The following MYO5B variants were observed in gnomAD, a reference collection of about 807,000 sequenced individuals.
MYO5B encodes the protein unconventional myosin-Vb.
A neutral mutation model predicts 229.3 loss-of-function variants in MYO5B; 143 were observed. The observed-to-expected ratio is 0.62, with a 90% CI of 0.54 to 0.72. The LOEUF is 0.72. Among genes scored for constraint, MYO5B ranks in the 30% least tolerant of loss-of-function variants. MYO5B has a pLI of 0.00. For synonymous variants in MYO5B, 918 were observed against 885.2 expected, an observed-to-expected ratio of 1.04 and a Z score of -0.66; for missense variants, 2,321 against 2,331.0, an observed-to-expected ratio of 1.00 and a Z score of 0.09.
chr18:49,996,793 AAAG>A (rs2025992124), intron 5 of MYO5B, among the ~76,000 whole-genome samples: 3 of 152,236 alleles, frequency 2.0e-5, no homozygotes, highest in Admixed American at 2.0e-4. Flanking sequence ...TGACAGTGGG[AAAG>A]AAGAAGAGAT....
At chr18:49,909,542 A>C (rs11082787) in intron 18 of MYO5B, among the ~76,000 whole-genome samples, 10,026 of 152,310 alleles carry the variant, frequency 0.066, 838 homozygotes, top group East Asian at 0.29. Flanking sequence ...CTAGTTCCCC[A>C]GCCAGCTGCA....
chr18:49,984,504 T>G (rs1476366366), intron 8 of MYO5B, among the ~76,000 whole-genome samples: 1 of 152,210 alleles, frequency 6.6e-6, no homozygotes, highest in African/African-American at 2.4e-5. Flanking sequence ...CATAACCTTA[T>G]TTTTTAAAAG....
At position 50,016,436 on chromosome 18, in the gene MYO5B, C is replaced by A. The variant is rs1217524589; in HGVS notation, c.456-15025G>T. Among the ~76,000 whole-genome samples the A allele has an allele frequency of 6.6e-5, 10 of 152,278 alleles. No individual in the cohort carries two copies. The South Asian group carries it at 2.1e-3, about 32-fold the overall frequency. On this transcript the variant is annotated intron_variant, in intron 4 of 39. Coordinates refer to ENST00000285039, the MANE Select transcript of MYO5B (RefSeq NM_001080467.3). ...GGTTAGCATGTGCAGTAACTGAATT[C>A]TTTAACATAATGTGTATCTATGAAA...
chr18:49,958,541 C>G (rs2025521636), intron 12 of MYO5B, among the ~76,000 whole-genome samples: 1 of 152,180 alleles, frequency 6.6e-6, no homozygotes, highest in South Asian at 2.1e-4. Context: ...ACCTTTCTGT[C>G]CTTCTCATGG....
chr18:49,900,683 C>T (rs1286307788), intron 21 of MYO5B, among the ~76,000 whole-genome samples: 1 of 152,160 alleles, frequency 6.6e-6, no homozygotes, highest in African/African-American at 2.4e-5. Context: ...CAAAGCCATA[C>T]CCACTCTAAA....
At position 49,954,445 on chromosome 18, in the gene MYO5B, C is replaced by A. The variant is rs758843915; in HGVS notation, c.1546-10G>T. The A allele has an allele frequency of 1.2e-6, 2 of 1,613,810 alleles. No homozygotes were observed. The highest frequency in any genetic ancestry group is 1.1e-5 in the South Asian group (1 of 91,054). ...CAGTTCCTTTGGGGACCTGCAGAAC[C>A]ACAAGATAGGGCAGAGCGCTTTGTG... On this transcript the variant is annotated splice_polypyrimidine_tract_variant and intron_variant, in intron 12 of 39. Transcript: ENST00000285039.
intron 1 of MYO5B, among the ~76,000 whole-genome samples, chr18:50,094,941 C>T (rs1382824056): frequency 6.6e-6 from 1 of 152,164 alleles, no homozygotes; most frequent in Non-Finnish European, 1.5e-5. Flanking sequence ...GATTGTCATG[C>T]CTCAGCCTCC....
At position 49,855,219 on chromosome 18, in the gene MYO5B, C is replaced by T. The variant is rs190532827; in HGVS notation, c.4023-1572G>A. 1.8e-4 allele frequency among the ~76,000 whole-genome samples: 27 copies of T among 152,320 alleles called. 1 individual carries two copies. The highest frequency in any genetic ancestry group is 8.3e-4 in the South Asian group (4 of 4,822). ...GATTTCTCTCCTGCCTTGTGCAGCA[C>T]GTTCACTGTTCATGTCTTATTCTCC... On this transcript the variant is annotated intron_variant, in intron 30 of 39. Coordinates refer to ENST00000285039, the MANE Select transcript of MYO5B (RefSeq NM_001080467.3).
At chr18:49,990,728 T>C (rs1465713467) in intron 6 of MYO5B, among the ~76,000 whole-genome samples, 1 of 152,230 alleles carries the variant, frequency 6.6e-6, no homozygotes, top group Non-Finnish European at 1.5e-5. Context: ...AGGATTTATA[T>C]GTCTTGAATT....
intron 1 of MYO5B, among the ~76,000 whole-genome samples, chr18:50,183,339 C>G (rs1790447): frequency 9.1e-6 from 1 of 110,210 alleles, no homozygotes; most frequent in Non-Finnish European, 1.9e-5. Flanking sequence ...ATATATATAT[C>G]TCCTTCAATA....
chr18:49,960,044 C>G (rs950407795), intron 12 of MYO5B, among the ~76,000 whole-genome samples: 1 of 152,112 alleles, frequency 6.6e-6, no homozygotes, highest in Non-Finnish European at 1.5e-5. Flanking sequence ...GCAGCTGTGG[C>G]ACCAGTCACA....
At chr18:49,908,387 C>G (rs1236279809) in intron 18 of MYO5B, among the ~76,000 whole-genome samples, 1 of 152,246 alleles carries the variant, frequency 6.6e-6, no homozygotes, top group Non-Finnish European at 1.5e-5. Flanking sequence ...AAGAGTCAGA[C>G]TGCAGGGGCT....
chr18:50,083,268 C>A (rs879482227), intron 1 of MYO5B, among the ~76,000 whole-genome samples: 2 of 152,160 alleles, frequency 1.3e-5, no homozygotes, highest in Non-Finnish European at 2.9e-5. Context: ...CTTGCCAAAC[C>A]CCACCATTTA....
At chr18:49,885,417 C>G (rs1267221669) in intron 22 of MYO5B, among the ~76,000 whole-genome samples, 1 of 152,174 alleles carries the variant, frequency 6.6e-6, no homozygotes, top group African/African-American at 2.4e-5. Flanking sequence ...ATACAGACCC[C>G]TGAGTACCCA....
At chr18:50,155,915 T>C (rs1026439543) in intron 1 of MYO5B, among the ~76,000 whole-genome samples, 1 of 152,226 alleles carries the variant, frequency 6.6e-6, no homozygotes, top group Non-Finnish European at 1.5e-5. Context: ...TTAACACTAA[T>C]AGGTCAAGAA....
intron 4 of MYO5B, among the ~76,000 whole-genome samples, chr18:50,032,983 T>G (rs999741536): frequency 6.6e-6 from 1 of 150,512 alleles, no homozygotes; most frequent in African/African-American, 2.5e-5. Flanking sequence ...GTGAAACTCA[T>G]CTCAAAAAAA....
At chr18:49,914,818 G>C (rs567331702) in intron 17 of MYO5B, among the ~76,000 whole-genome samples, 1 of 151,102 alleles carries the variant, frequency 6.6e-6, no homozygotes, top group Non-Finnish European at 1.5e-5. Context: ...AAAAAGAAAC[G>C]AGTGCTGTGG....
chr18:49,930,814 T>C (rs556505094), intron 16 of MYO5B, among the ~76,000 whole-genome samples: 2 of 150,448 alleles, frequency 1.3e-5, no homozygotes, highest in Admixed American at 6.7e-5. Context: ...ATGGCATGAA[T>C]CCGGGAGGCA....
chr18:49,866,512 G>A (rs138754675), intron 27 of MYO5B, among the ~76,000 whole-genome samples: 2 of 152,120 alleles, frequency 1.3e-5, no homozygotes, highest in East Asian at 1.9e-4. Context: ...CCCCATCCCC[G>A]CTCCTCATCT....
Sources: allele counts gnomAD v4.1 joint callset (sites outside exome capture counted in the v4.1 genomes callset), GRCh38; gene constraint gnomAD v4.1.1; transcripts MANE v1.5; gene names NCBI Gene and HGNC (gene_info 2026-07-23, HGNC 2026-07-21).